The following PRKN variants were observed in gnomAD, a reference collection of about 807,000 sequenced individuals.
The protein encoded by PRKN is E3 ubiquitin-protein ligase parkin.
Under a neutral mutation model 59.5 loss-of-function variants are expected in PRKN, and 56 were observed. The observed-to-expected ratio is 0.94, with a 90% confidence interval of 0.76 to 1.18. The LOEUF is 1.18. Ranked by LOEUF, PRKN falls within the 50% of genes most tolerant of loss-of-function variation. The pLI is 0.00. For synonymous variants in PRKN, 250 were observed against 222.1 expected, an observed-to-expected ratio of 1.13 and a Z score of -1.12; for missense variants, 657 against 596.4, an observed-to-expected ratio of 1.10 and a Z score of -1.06.
chr6:161,774,623 C>A (rs114898239), intron 7 of PRKN, among the ~76,000 whole-genome samples: 3 of 152,108 alleles, frequency 2.0e-5, no homozygotes, highest in African/African-American at 4.8e-5. Context: ...GGTGACAGAA[C>A]CAGAAGATGG....
At position 162,608,655 on chromosome 6, in the gene PRKN, T is replaced by C. The variant is rs182656282; in HGVS notation, c.7+119007A>G. Among the ~76,000 whole-genome samples, 3 of 152,228 alleles carry C rather than the reference T, an allele frequency of 2.0e-5. No homozygotes were observed. The East Asian group carries it at 5.8e-4, about 29-fold the overall frequency. On this transcript the variant is annotated intron_variant, in intron 1 of 11. Coordinates refer to ENST00000366898, the MANE Select transcript of PRKN (RefSeq NM_004562.3). ...ATCCCAATTCTTGGCCCTGGGTTAG[T>C]TGGATGAGAATGTAAACATTCATGA...
intron 2 of PRKN, among the ~76,000 whole-genome samples, chr6:162,354,865 GTTTA>G (rs745704201): frequency 6.6e-6 from 1 of 151,678 alleles, no homozygotes; most frequent in Non-Finnish European, 1.5e-5. Flanking sequence ...TAAATTACTA[GTTTA>G]TTTATGCAGT....
rs1159419642 is a variant in PRKN, at chr6:161,460,025, TC to T, written c.1084-73149del. ...AACTATCCATCCATCAGTCCATCCA[TC>T]CATCCATTCATCCAACCATTCAACT... On this transcript the variant is annotated intron_variant, in intron 9 of 11. Coordinates refer to ENST00000366898, the MANE Select transcript of PRKN (RefSeq NM_004562.3). This position sits in a 1 kb window ranked among gnomAD's most constrained non-coding sequence, Gnocchi z 5.0. 3.9e-5 allele frequency among the ~76,000 whole-genome samples: 6 copies of T among 152,206 alleles called. No individual in the cohort carries two copies. Among genetic ancestry groups the T allele is most frequent in the African/African-American group, 1.4e-4 (6 of 41,446 alleles).
chr6:162,320,779 G>A (rs1447820774), intron 2 of PRKN, among the ~76,000 whole-genome samples: 2 of 151,640 alleles, frequency 1.3e-5, no homozygotes, highest in Non-Finnish European at 3.0e-5. Context: ...AAATGAAAAT[G>A]CATTTCTAAA....
chr6:161,753,678 G>A (rs1207188744), intron 7 of PRKN, among the ~76,000 whole-genome samples: 6 of 152,156 alleles, frequency 3.9e-5, no homozygotes, highest in African/African-American at 9.7e-5. Flanking sequence ...AGCCAACCCC[G>A]AGTGGGGGAG....
intron 2 of PRKN, among the ~76,000 whole-genome samples, chr6:162,305,757 T>TCAC (rs1397362525): frequency 6.6e-6 from 1 of 152,132 alleles, no homozygotes; most frequent in Non-Finnish European, 1.5e-5. Flanking sequence ...TTTAAAGTAT[T>TCAC]ATTATCTGTC....
chr6:161,639,235 G>A (rs984376518), intron 7 of PRKN, among the ~76,000 whole-genome samples: 4 of 152,152 alleles, frequency 2.6e-5, no homozygotes, highest in African/African-American at 9.7e-5. Flanking sequence ...TTAGCAGTGT[G>A]AGAATGGACA....
intron 7 of PRKN, among the ~76,000 whole-genome samples, chr6:161,769,933 A>C (rs866306796): frequency 4.6e-5 from 7 of 152,210 alleles, no homozygotes; most frequent in Non-Finnish European, 8.8e-5. Context: ...TTTAGTCCAC[A>C]ATAACTGGAC....
chr6:161,416,705 T>G (rs921399796), intron 9 of PRKN, among the ~76,000 whole-genome samples: 4 of 152,122 alleles, frequency 2.6e-5, no homozygotes, highest in African/African-American at 4.8e-5. Context: ...GCTTTTAATC[T>G]TATTAATATG....
At chr6:161,703,834 TCTCTC>T (rs1457726756) in intron 7 of PRKN, among the ~76,000 whole-genome samples, 29 of 122,156 alleles carry the variant, frequency 2.4e-4, no homozygotes, top group African/African-American at 1.0e-3. Context: ...TCTCTCTCTC[TCTCTC>T]TTTTTTTTTT....
intron 3 of PRKN, among the ~76,000 whole-genome samples, chr6:162,210,108 A>T (rs555648486): frequency 4.0e-5 from 1 of 24,942 alleles, no homozygotes; most frequent in Non-Finnish European, 9.7e-5. Context: ...ATAATAATAA[A>T]AAATAAAATA....
intron 4 of PRKN, among the ~76,000 whole-genome samples, chr6:162,129,442 ATGGCCAG>A (rs1236083066): frequency 6.6e-6 from 1 of 152,164 alleles, no homozygotes; most frequent in Non-Finnish European, 1.5e-5. Flanking sequence ...CAGAACTAAT[ATGGCCAG>A]AAGCAAGGAG....
chr6:162,272,141 C>T (rs1780420260), intron 2 of PRKN, among the ~76,000 whole-genome samples: 1 of 152,082 alleles, frequency 6.6e-6, no homozygotes, highest in African/African-American at 2.4e-5. Flanking sequence ...AGGAATCACT[C>T]GGTTTGGCTA....
At chr6:162,311,151 G>C (rs953386049) in intron 2 of PRKN, among the ~76,000 whole-genome samples, 2 of 152,166 alleles carry the variant, frequency 1.3e-5, no homozygotes, top group African/African-American at 4.8e-5. Context: ...TGTAACAGTT[G>C]AAGTTTTGTT....
In PRKN at chr6:161,390,273, A is replaced by T. The variant is rs1281366630; in HGVS notation, c.1084-3396T>A. Among the ~76,000 whole-genome samples the T allele has an allele frequency of 6.6e-6, 1 of 152,228 alleles. No homozygotes were observed. The highest frequency in any genetic ancestry group is 2.4e-5 in the African/African-American group (1 of 41,474). On this transcript the variant is annotated intron_variant, in intron 9 of 11. Transcript: ENST00000366898. This position sits in a 1 kb window ranked among gnomAD's most constrained non-coding sequence, Gnocchi z 7.0. ...CCCTGCGGTACTGTAACAAACTCAC[A>T]GGGGTGCCTGGGATATTCTAGAATT...
At chr6:162,221,550 G>A (rs1777936303) in intron 3 of PRKN, among the ~76,000 whole-genome samples, 1 of 152,128 alleles carries the variant, frequency 6.6e-6, no homozygotes, top group African/African-American at 2.4e-5. Flanking sequence ...TCCCATTGAT[G>A]CCACAGTGGT....
chr6:161,371,761 C>T lies in PRKN; in HGVS notation c.1168-11556G>A, dbSNP rs932428914. ...TCAAGCGATTCTCATGCCTCAGCCT[C>T]CTGAGTAGCTGGGATTACAGGCATG... On this transcript the variant is annotated intron_variant, in intron 10 of 11. Coordinates refer to ENST00000366898, the MANE Select transcript of PRKN (RefSeq NM_004562.3). This position sits in a 1 kb window ranked among gnomAD's most constrained non-coding sequence, Gnocchi z 5.5. Among the ~76,000 whole-genome samples, 1 of 152,208 alleles carries T rather than the reference C, an allele frequency of 6.6e-6. No individual in the cohort carries two copies. The highest frequency in any genetic ancestry group is 2.4e-5 in the African/African-American group (1 of 41,454).
chr6:161,853,005 T>C (rs1398279342), intron 6 of PRKN, among the ~76,000 whole-genome samples: 1 of 152,174 alleles, frequency 6.6e-6, no homozygotes, highest in Non-Finnish European at 1.5e-5. Flanking sequence ...TTATGTTTTA[T>C]GTCAGTTTTA....
chr6:161,604,572 G>A (rs1048365332), intron 7 of PRKN, among the ~76,000 whole-genome samples: 1 of 152,194 alleles, frequency 6.6e-6, no homozygotes, highest in African/African-American at 2.4e-5. Flanking sequence ...CTCAACTTCA[G>A]GCCACGGATT....
Sources: gnomAD v4.1 joint callset for allele counts (sites outside exome capture counted in the v4.1 genomes callset) on GRCh38, gnomAD v4.1.1 for gene constraint, Gnocchi (gnomAD v3.1) non-coding constraint, MANE v1.5 for transcripts, NCBI Gene and HGNC (gene_info 2026-07-23, HGNC 2026-07-21) for gene names.